The following ANKS1B variants were observed in gnomAD, a reference collection of about 807,000 sequenced individuals.
ANKS1B encodes the protein ankyrin repeat and sterile alpha motif domain-containing protein 1B.
A neutral mutation model predicts 148.3 loss-of-function variants in ANKS1B; 36 were observed. That is an observed-to-expected ratio of 0.24 (90% CI 0.19 to 0.32). ANKS1B has a LOEUF of 0.32. ANKS1B is among the 10% of genes least tolerant of loss of function. The pLI is 1.00. For missense variants in ANKS1B, 1,157 were observed against 1,542.6 expected, an observed-to-expected ratio of 0.75 and a Z score of 4.19; for synonymous variants, 542 against 560.8, an observed-to-expected ratio of 0.97 and a Z score of 0.47.
In ANKS1B at chr12:99,661,544, C is replaced by A. The variant is rs189465535; in HGVS notation, c.1129-6334G>T. ...CCTTGGTTTGGTCCAGGAACACTAA[C>A]ACTATTCCTCTCCTTTGCCCATAAT... On this transcript the variant is annotated intron_variant, in intron 8 of 26. Transcript: ENST00000683438. 1.9e-3 allele frequency among the ~76,000 whole-genome samples: 283 copies of A among 152,262 alleles called. 2 individuals carry two copies. Among genetic ancestry groups the A allele is most frequent in the African/African-American group, 6.6e-3 (276 of 41,552 alleles).
chr12:99,630,507 C>T (rs2098147128), intron 9 of ANKS1B, among the ~76,000 whole-genome samples: 1 of 152,130 alleles, frequency 6.6e-6, no homozygotes. Context: ...GGTATATTCA[C>T]CTCTGCTGCT....
chr12:99,150,087 G>C (rs1374174189), intron 15 of ANKS1B, among the ~76,000 whole-genome samples: 3 of 152,166 alleles, frequency 2.0e-5, no homozygotes, highest in Non-Finnish European at 4.4e-5. Context: ...TCTAAGGAGT[G>C]CTTGCTGCAT....
intron 11 of ANKS1B, among the ~76,000 whole-genome samples, chr12:99,434,045 G>A (rs2152759852): frequency 6.6e-6 from 1 of 152,200 alleles, no homozygotes; most frequent in East Asian, 1.9e-4. Flanking sequence ...GTCCTTTGTG[G>A]TACTTTCACA....
chr12:99,925,798 A>G (rs894360501), intron 1 of ANKS1B, among the ~76,000 whole-genome samples: 3 of 152,364 alleles, frequency 2.0e-5, no homozygotes, highest in Non-Finnish European at 2.9e-5. Context: ...AAGTTAATAC[A>G]TAGAATTGTC....
chr12:99,181,776 T>C (rs75356067), intron 14 of ANKS1B, among the ~76,000 whole-genome samples: 55 of 152,138 alleles, frequency 3.6e-4, no homozygotes, highest in Non-Finnish European at 5.6e-4. Context: ...AACAGAAGCA[T>C]TTATTCTTTG....
At chr12:99,595,870 A>G (rs959075910) in intron 9 of ANKS1B, among the ~76,000 whole-genome samples, 1 of 151,934 alleles carries the variant, frequency 6.6e-6, no homozygotes, top group Non-Finnish European at 1.5e-5. Context: ...TTTCTCACCA[A>G]CTTTTGAAAT....
At chr12:98,800,895 G>T in intron 21 of ANKS1B, 102 bp downstream of exon 21, 1 of 1,339,898 alleles carries the variant, frequency 7.5e-7, no homozygotes, top group East Asian at 2.5e-5. Context: ...TTTCAGTGAT[G>T]GATATGGATA....
chr12:99,822,218 T>C (rs975510096), intron 2 of ANKS1B, among the ~76,000 whole-genome samples: 16 of 152,246 alleles, frequency 1.1e-4, no homozygotes, highest in African/African-American at 3.8e-4. Flanking sequence ...AAGAAGACCC[T>C]TGAGTCACCA....
intron 17 of ANKS1B, among the ~76,000 whole-genome samples, chr12:98,850,660 G>A (rs1418755709): frequency 6.6e-6 from 1 of 151,716 alleles, no homozygotes. Context: ...GTAGAGGCAG[G>A]GTTTCACTGT....
chr12:98,881,604 C>T (rs978867826), intron 17 of ANKS1B, among the ~76,000 whole-genome samples: 1 of 151,958 alleles, frequency 6.6e-6, no homozygotes, highest in Admixed American at 6.6e-5. Context: ...TGCTATTGTC[C>T]TATAAACTCA....
At chr12:99,665,900 A>G (rs1361591221) in intron 8 of ANKS1B, among the ~76,000 whole-genome samples, 1 of 152,176 alleles carries the variant, frequency 6.6e-6, no homozygotes, top group African/African-American at 2.4e-5. Context: ...ACACAAAGTT[A>G]AGATATTTTC....
intron 12 of ANKS1B, among the ~76,000 whole-genome samples, chr12:99,339,476 G>A (rs979639261): frequency 6.6e-6 from 1 of 152,060 alleles, no homozygotes; most frequent in African/African-American, 2.4e-5. Context: ...TTAAAACCAG[G>A]TACTGTGATT....
downstream of ANKS1B, among the ~76,000 whole-genome samples, chr12:98,742,897 CTG>C (rs1371891729): frequency 6.6e-6 from 1 of 152,216 alleles, no homozygotes; most frequent in Non-Finnish European, 1.5e-5. Context: ...CATGTAGACT[CTG>C]TGCTGGCTGT....
intron 12 of ANKS1B, among the ~76,000 whole-genome samples, chr12:99,299,415 A>C (rs2081315576): frequency 6.6e-6 from 1 of 152,188 alleles, no homozygotes; most frequent in South Asian, 2.1e-4. Flanking sequence ...AAACATTAAG[A>C]TGTCAATATC....
intron 14 of ANKS1B, among the ~76,000 whole-genome samples, chr12:99,218,853 G>A (rs892183936): frequency 6.6e-6 from 1 of 152,170 alleles, no homozygotes; most frequent in Non-Finnish European, 1.5e-5. Context: ...AGAAGTAGGA[G>A]AGTCTTGTTA....
chr12:99,806,105 T>G (rs572208035), intron 4 of ANKS1B, among the ~76,000 whole-genome samples: 1 of 152,332 alleles, frequency 6.6e-6, no homozygotes, highest in East Asian at 1.9e-4. Flanking sequence ...TCCTACTGTA[T>G]GTTAGGCTGT....
At chr12:99,361,888 C>A (rs1214729315) in intron 12 of ANKS1B, among the ~76,000 whole-genome samples, 1 of 151,940 alleles carries the variant, frequency 6.6e-6, no homozygotes, top group Admixed American at 6.6e-5. Flanking sequence ...ATTTCCTTAA[C>A]ATTCACATAA....
intron 12 of ANKS1B, among the ~76,000 whole-genome samples, chr12:99,311,372 A>G (rs1377226188): frequency 1.3e-5 from 2 of 152,194 alleles, no homozygotes; most frequent in African/African-American, 2.4e-5. Context: ...AAAGGGGGAC[A>G]GTTTAAATGG....
chr12:98,773,072 G>A lies in ANKS1B; in HGVS notation c.3549C>T (p.His1183=), dbSNP rs377466216. Residue 1183 remains histidine (H), a synonymous_variant, in exon 25 of 27, where the codon CAC becomes CAT. Transcript: ENST00000683438. The part of the protein sequence containing the change: ...YITKDLKSNH[H]YCHVFTAFDV... ...CAAAGGCAGTAAACACATGACAGTAGTGGTGATTAGACTTCAAATCTTTTG... is the reference window on the plus strand; with the variant it reads ...CAAAGGCAGTAAACACATGACAGTAATGGTGATTAGACTTCAAATCTTTTG... The A allele has an allele frequency of 8.1e-6, 13 of 1,614,010 alleles. No individual in the cohort carries two copies. Among genetic ancestry groups the A allele is most frequent in the Non-Finnish European group, 1.1e-5 (13 of 1,179,890 alleles).
Sources: gnomAD v4.1 joint callset for allele counts (sites outside exome capture counted in the v4.1 genomes callset) on GRCh38, gnomAD v4.1.1 for gene constraint, MANE v1.5 for transcripts, NCBI Gene and HGNC (gene_info 2026-07-23, HGNC 2026-07-21) for gene names.